The following TBC1D1 variants were observed in gnomAD, a reference collection of about 807,000 sequenced individuals.
TBC1D1 encodes TBC1 (tre-2/USP6, BUB2, cdc16) domain family, member 1.
A neutral mutation model predicts 125.6 loss-of-function variants in TBC1D1; 89 were observed. The ratio of observed to expected loss-of-function variants is 0.71; its 90% CI spans 0.60 to 0.85. The LOEUF (loss-of-function observed/expected upper bound fraction) is 0.85. TBC1D1 is among the 40% of genes least tolerant of loss of function. The pLI is 0.00. For synonymous variants in TBC1D1, 565 were observed against 564.1 expected, an observed-to-expected ratio of 1.00 and a Z score of -0.02; for missense variants, 1,377 against 1,469.2, an observed-to-expected ratio of 0.94 and a Z score of 1.03.
intron 2 of TBC1D1, among the ~76,000 whole-genome samples, chr4:37,919,982 G>A (rs991379576): frequency 3.9e-5 from 6 of 152,242 alleles, no homozygotes; most frequent in Non-Finnish European, 7.4e-5. Context: ...GCGTGGTGGC[G>A]GGAGCCTGTA....
At chr4:38,011,201 A>G (rs557437752) in intron 2 of TBC1D1, among the ~76,000 whole-genome samples, 4 of 152,098 alleles carry the variant, frequency 2.6e-5, no homozygotes, top group South Asian at 2.1e-4. Flanking sequence ...AAAAAATACA[A>G]AATTAGCCGG....
intron 11 of TBC1D1, among the ~76,000 whole-genome samples, chr4:38,050,725 A>G (rs993590096): frequency 2.0e-5 from 3 of 152,222 alleles, no homozygotes; most frequent in Non-Finnish European, 2.9e-5. Flanking sequence ...CCCAGGACCT[A>G]TGTGTTCGTG....
rs1220337802 is a variant in TBC1D1, at chr4:38,131,350, A to G, written c.3133-1734A>G. 2.6e-5 allele frequency among the ~76,000 whole-genome samples: 4 copies of G among 152,222 alleles called. No individual in the cohort carries two copies. In the East Asian group the frequency reaches 7.7e-4, roughly 29 times the overall value. On this transcript the variant is annotated intron_variant, in intron 18 of 19. Transcript: ENST00000261439. ...TTCAGCACCATATTTATAATTATAC[A>G]TGAGTGCCAAACAATCTCAGTTTTA...
intron 2 of TBC1D1, among the ~76,000 whole-genome samples, chr4:37,938,787 G>A (rs1219350787): frequency 6.6e-6 from 1 of 152,128 alleles, no homozygotes; most frequent in East Asian, 1.9e-4. Flanking sequence ...TTGGTTTTCT[G>A]TTCTTGCGAT....
At chr4:37,937,783 C>G (rs1267313632) in intron 2 of TBC1D1, among the ~76,000 whole-genome samples, 1 of 152,126 alleles carries the variant, frequency 6.6e-6, no homozygotes, top group Non-Finnish European at 1.5e-5. Flanking sequence ...GAGTCTGAAG[C>G]CTCGGCCATG....
chr4:38,086,160 T>TAA (rs71190949), intron 12 of TBC1D1, among the ~76,000 whole-genome samples: 24,285 of 152,066 alleles, frequency 0.16, 2,063 homozygotes, highest in South Asian at 0.23. Flanking sequence ...TCGTAAACTA[T>TAA]AAAAAAATCA....
At chr4:37,934,716 G>A (rs1422488115) in intron 2 of TBC1D1, among the ~76,000 whole-genome samples, 1 of 152,178 alleles carries the variant, frequency 6.6e-6, no homozygotes, top group Non-Finnish European at 1.5e-5. Context: ...TCTAGCCTCT[G>A]CTTTCCCTGG....
At chr4:37,949,561 T>G (rs935561644) in intron 2 of TBC1D1, among the ~76,000 whole-genome samples, 2 of 152,224 alleles carry the variant, frequency 1.3e-5, no homozygotes, top group African/African-American at 4.8e-5. Context: ...CCTGAGGCTT[T>G]CTCAGACTGT....
intron 12 of TBC1D1, among the ~76,000 whole-genome samples, chr4:38,059,265 G>C (rs561233567): frequency 3.9e-5 from 6 of 152,168 alleles, no homozygotes; most frequent in African/African-American, 1.2e-4. Flanking sequence ...AAGAATTACA[G>C]CCTTAAGTTA....
At chr4:38,052,728 G>GCACACACACACACACACACA (rs56153191) in intron 11 of TBC1D1, among the ~76,000 whole-genome samples, 13 of 118,344 alleles carry the variant, frequency 1.1e-4, no homozygotes, top group Non-Finnish European at 2.1e-4. Flanking sequence ...GCGCGCGCGC[G>GCACACACACACACACACACA]CACACACACA....
intron 2 of TBC1D1, among the ~76,000 whole-genome samples, chr4:38,000,214 G>A (rs1385594168): frequency 6.6e-6 from 1 of 152,192 alleles, no homozygotes; most frequent in East Asian, 1.9e-4. Flanking sequence ...ACTCGTGGTG[G>A]TGGTGATTGT....
chr4:38,116,955 A>T (rs758123178), intron 16 of TBC1D1, among the ~76,000 whole-genome samples: 1 of 152,250 alleles, frequency 6.6e-6, no homozygotes, highest in Non-Finnish European at 1.5e-5. Context: ...TGCAAATATC[A>T]TAGAAGGAAC....
At chr4:38,061,595 T>C (rs76698770) in intron 12 of TBC1D1, among the ~76,000 whole-genome samples, 89 of 152,330 alleles carry the variant, frequency 5.8e-4, no homozygotes, top group African/African-American at 1.9e-3. Context: ...TAGATAAGAA[T>C]AATTTATTGA....
intron 12 of TBC1D1, among the ~76,000 whole-genome samples, chr4:38,064,626 C>CT (rs71190945): frequency 0.17 from 23,606 of 138,218 alleles, 2,301 homozygotes; most frequent in East Asian, 0.41. Flanking sequence ...AGCTACATTT[C>CT]TTTTTTTTTT....
chr4:37,907,623 T>C (rs994057439), intron 2 of TBC1D1, among the ~76,000 whole-genome samples: 1 of 152,176 alleles, frequency 6.6e-6, no homozygotes, highest in Non-Finnish European at 1.5e-5. Flanking sequence ...TGGGTTAAAA[T>C]GTAGTGTTGC....
intron 2 of TBC1D1, among the ~76,000 whole-genome samples, chr4:37,906,875 C>T (rs1362967086): frequency 2.0e-5 from 3 of 152,214 alleles, no homozygotes; most frequent in Non-Finnish European, 4.4e-5. Flanking sequence ...TTTCTTTTCA[C>T]TCCTCAAAGT....
chr4:37,913,111 G>A (rs193009135), intron 2 of TBC1D1, among the ~76,000 whole-genome samples: 19 of 152,266 alleles, frequency 1.2e-4, no homozygotes, highest in Admixed American at 1.1e-3. Flanking sequence ...CTGAGTCCAT[G>A]CTGATGTCTT....
rs907129030 is a variant in TBC1D1 at position 38,060,556 on chromosome 4, T to C, written c.2050+6218T>C. ...AGTGTCTGTTCATGAGAGAGACATA[T>C]TTGCTCCTCTGAGTAAAGGGTAAGG... On this transcript the variant is annotated intron_variant, in intron 12 of 19. Coordinates refer to ENST00000261439, the MANE Select transcript of TBC1D1 (RefSeq NM_015173.4). 8 of 1,081,254 alleles carry C rather than the reference T, an allele frequency of 7.4e-6. No individual in the cohort carries two copies. In the East Asian group the frequency reaches 1.8e-4, roughly 24 times the overall value. 67.0% of individuals were successfully genotyped at this position (1,081,254 alleles called of 1,614,324 possible).
chr4:38,049,953 C>T (rs1384649873), intron 11 of TBC1D1, 55 bp downstream of exon 11: 1 of 1,534,246 alleles, frequency 6.5e-7, no homozygotes, highest in Non-Finnish European at 8.8e-7. Flanking sequence ...TGTGACTAGC[C>T]AGGTATGTGC....
Sources: allele counts gnomAD v4.1 joint callset (sites outside exome capture counted in the v4.1 genomes callset), GRCh38; gene constraint gnomAD v4.1.1; transcripts MANE v1.5; gene names NCBI Gene and HGNC (gene_info 2026-07-23, HGNC 2026-07-21).